The following SCUBE3 variants were observed in gnomAD, a reference collection of about 807,000 sequenced individuals.
SCUBE3 encodes signal peptide, CUB and EGF-like domain-containing protein 3.
A neutral mutation model predicts 116.8 loss-of-function variants in SCUBE3; 33 were observed. The ratio of observed to expected loss-of-function variants is 0.28; its 90% CI spans 0.21 to 0.38. SCUBE3 has a LOEUF of 0.38. SCUBE3 is among the 10% of genes least tolerant of loss of function. SCUBE3 has a pLI of 1.00. For synonymous variants in SCUBE3, 418 were observed against 496.9 expected (o/e 0.84, Z 2.11); for missense variants, 1,007 against 1,324.8 (o/e 0.76, Z 3.72).
chr6:35,244,879 G>C lies in SCUBE3; in HGVS notation c.2401+68G>C, dbSNP rs1784262910. The C allele has an allele frequency of 1.0e-5, 16 of 1,525,682 alleles. No individual in the cohort carries two copies. The South Asian group carries it at 1.8e-4, about 18-fold the overall frequency. The allele number at this position is 1,525,682 out of a possible 1,614,324, so 94.5% of individuals were successfully genotyped here. A position where few individuals can be genotyped will look rare whatever the true frequency, so the allele number is the denominator to read the frequency against. Reference sequence around the variant, plus strand: ...TGGGAGCAGTGGACATCTAAAGGAGGGGTGTGAAACCAACAGGGAGCAGGG... The same window carrying C: ...TGGGAGCAGTGGACATCTAAAGGAGCGGTGTGAAACCAACAGGGAGCAGGG... On this transcript the variant is annotated intron_variant, in intron 18 of 21. Transcript: ENST00000274938. This position sits in a 1 kb window ranked among gnomAD's most constrained non-coding sequence, Gnocchi z 4.3.
chr6:35,246,181 C>T (rs187327277), intron 20 of SCUBE3, 25 bp from the exon 21 acceptor site: 5 of 1,612,198 alleles, frequency 3.1e-6, no homozygotes, highest in Non-Finnish European at 4.2e-6. Context: ...CGCCCCTGAG[C>T]CCCTCACCTT....
At chr6:35,221,023 G>C (rs1022969898) in intron 1 of SCUBE3, 1 of 152,220 alleles carries the variant, frequency 6.6e-6, no homozygotes, top group South Asian at 2.1e-4. Flanking sequence ...ATATGCAGAT[G>C]TGGGTACATG....
At position 35,245,382 on chromosome 6, in the gene SCUBE3, A is replaced by G. The variant is rs762729480; in HGVS notation, c.2556A>G (p.Pro852=). ...ILIVVPEIFL[P]SEDECGDVLV... ...TCGTGGTACCAGAGATCTTCCTGCCATCTGAGGATGAGTGTGGGGACGTCC... is the reference window on the plus strand; with the variant it reads ...TCGTGGTACCAGAGATCTTCCTGCCGTCTGAGGATGAGTGTGGGGACGTCC... The change falls in exon 19 of 22, where the codon CCA becomes CCG. Residue 852 remains proline, a synonymous_variant. Transcript: ENST00000274938. This position sits in a 1 kb window ranked among gnomAD's most constrained non-coding sequence, Gnocchi z 4.2. 6.2e-7 allele frequency: 1 copy of G among 1,614,222 alleles called. No homozygotes were observed. Among genetic ancestry groups the G allele is most frequent in the Non-Finnish European group, 8.5e-7 (1 of 1,180,042 alleles).
chr6:35,231,849 G>A lies in SCUBE3; in HGVS notation c.459G>A (p.Gln153=), dbSNP rs758953543. Residue 153 remains glutamine, a synonymous_variant, in exon 4 of 22, where the codon CAG becomes CAA. Transcript: ENST00000274938. The surrounding 1 kb of genome is among the most constrained non-coding windows in gnomAD (Gnocchi z 4.2). ...FLSDNQHTCI[Q]RPEEGMNCMN... ...GCGACAACCAGCATACCTGTATCCAGCGGCCAGAAGGTCAGCCCATGACCT... is the reference window on the plus strand; with the variant it reads ...GCGACAACCAGCATACCTGTATCCAACGGCCAGAAGGTCAGCCCATGACCT... 1 of 1,611,058 alleles carries A rather than the reference G, an allele frequency of 6.2e-7. No individual in the cohort carries two copies. Among genetic ancestry groups the A allele is most frequent in the East Asian group, 2.2e-5 (1 of 44,778 alleles).
chr6:35,237,584 C>A lies in SCUBE3; in HGVS notation c.713-318C>A, dbSNP rs543711549. Reference sequence around the variant, plus strand: ...TAGCTCCCATCCCTCCCTACTGCCCCCCGCCCCACCTCCTCCACCCCCTCG... The same window carrying A: ...TAGCTCCCATCCCTCCCTACTGCCCACCGCCCCACCTCCTCCACCCCCTCG... On this transcript the variant is annotated intron_variant, in intron 6 of 21. Transcript: ENST00000274938. Among the ~76,000 whole-genome samples the A allele has an allele frequency of 5.3e-5, 8 of 152,282 alleles. No homozygotes were observed. In the South Asian group the frequency reaches 6.2e-4, roughly 12 times the overall value.
In SCUBE3 at chr6:35,245,749, CAAG is replaced by C. The variant is rs1187044034; in HGVS notation, c.2600-194_2600-192del. On this transcript the variant is annotated intron_variant, in intron 19 of 21. Coordinates refer to ENST00000274938, the MANE Select transcript of SCUBE3 (RefSeq NM_152753.4). The surrounding 1 kb of genome is among the most constrained non-coding windows in gnomAD (Gnocchi z 4.2). The stretch of plus-strand genomic sequence containing the variant: ...TTACACTATGTGAGTGCCCAGGTAT[CAAG>C]GAGGAATTGTGGAATGAGCCCAGTG... Among the ~76,000 whole-genome samples the C allele has an allele frequency of 2.0e-5, 3 of 152,066 alleles. No homozygotes were observed. The highest frequency in any genetic ancestry group is 4.8e-5 in the African/African-American group (2 of 41,372).
rs1291363900 is a variant in SCUBE3 at position 35,241,122 on chromosome 6, T to A, written c.1070-19T>A. ...CCAACTCCATCGTTGTTTTTCTGTC[T>A]CCCTACTCCTTCCCCCAGATGTGGA... On this transcript the variant is annotated intron_variant, in intron 9 of 21. Coordinates refer to ENST00000274938, the MANE Select transcript of SCUBE3 (RefSeq NM_152753.4). This position sits in a 1 kb window ranked among gnomAD's most constrained non-coding sequence, Gnocchi z 4.1. 1 of 1,570,162 alleles carries A rather than the reference T, an allele frequency of 6.4e-7. No homozygotes were observed. Among genetic ancestry groups the A allele is most frequent in the Non-Finnish European group, 8.7e-7 (1 of 1,150,252 alleles).
Position 35,245,151 on chromosome 6 carries a change from C to A in SCUBE3, c.2402-77C>A. ...TAAATGTCTGACCTCTACTTCAGAA[C>A]TCTTCAATTCCCCCAGCACACTTCC... is the stretch of plus-strand genomic sequence containing the variant. On this transcript the variant is annotated intron_variant, in intron 18 of 21. Transcript: ENST00000274938. This position sits in a 1 kb window ranked among gnomAD's most constrained non-coding sequence, Gnocchi z 4.2. 1 of 1,334,338 alleles carries A rather than the reference C, an allele frequency of 7.5e-7. No individual in the cohort carries two copies. The highest frequency in any genetic ancestry group is 1.1e-6 in the Non-Finnish European group (1 of 931,076). 82.7% of individuals were successfully genotyped at this position (1,334,338 alleles called of 1,614,324 possible).
chr6:35,240,955 T>C lies in SCUBE3; in HGVS notation c.1070-186T>C, dbSNP rs1181570062. The stretch of plus-strand genomic sequence containing the variant: ...CAAGAGATCTACCCTCTTAAGTTTT[T>C]AAGTGTACACTACAGTATTTATGTG... On this transcript the variant is annotated intron_variant, in intron 9 of 21. Coordinates refer to ENST00000274938, the MANE Select transcript of SCUBE3 (RefSeq NM_152753.4). The surrounding 1 kb of genome is among the most constrained non-coding windows in gnomAD (Gnocchi z 4.6). Among the ~76,000 whole-genome samples, 1 of 152,262 alleles carries C rather than the reference T, an allele frequency of 6.6e-6. No individual in the cohort carries two copies. The highest frequency in any genetic ancestry group is 2.4e-5 in the African/African-American group (1 of 41,474).
At chr6:35,246,398 T>G in intron 21 of SCUBE3, 113 bp downstream of exon 21, 1 of 782,820 alleles carries the variant, frequency 1.3e-6, no homozygotes, top group Non-Finnish European at 2.1e-6. Context: ...ACAATAGCTC[T>G]ATGAGGTAGG....
In SCUBE3 at chr6:35,231,926, AG is replaced by A; in HGVS notation, c.469+68del. 1 of 1,416,452 alleles carries A rather than the reference AG, an allele frequency of 7.1e-7. No homozygotes were observed. The highest frequency in any genetic ancestry group is 9.7e-7 in the Non-Finnish European group (1 of 1,028,416). 87.7% of individuals were successfully genotyped at this position (1,416,452 alleles called of 1,614,324 possible). On this transcript the variant is annotated intron_variant, in intron 4 of 21. Coordinates refer to ENST00000274938, the MANE Select transcript of SCUBE3 (RefSeq NM_152753.4). The surrounding 1 kb of genome is among the most constrained non-coding windows in gnomAD (Gnocchi z 4.2). Reference sequence around the variant, plus strand: ...AGGCTTCTCTTCCCAGCTGTCCCTCAGCAGCCCCTAAGTCTCACCCTCCATT... The same window carrying A: ...AGGCTTCTCTTCCCAGCTGTCCCTCACAGCCCCTAAGTCTCACCCTCCATT...
Position 35,231,858 on chromosome 6 carries a change from AG to A in SCUBE3, c.469+1del. 1 of 1,609,302 alleles carries A rather than the reference AG, an allele frequency of 6.2e-7. No homozygotes were observed. Among genetic ancestry groups the A allele is most frequent in the Non-Finnish European group, 8.5e-7 (1 of 1,176,414 alleles). On this transcript the variant is annotated frameshift_variant and splice_region_variant, in exon 4 of 22. Coordinates refer to ENST00000274938, the MANE Select transcript of SCUBE3 (RefSeq NM_152753.4). LOFTEE classifies it high-confidence loss of function. The surrounding 1 kb of genome is among the most constrained non-coding windows in gnomAD (Gnocchi z 4.2). ...AGCATACCTGTATCCAGCGGCCAGA[AG>A]GTCAGCCCATGACCTGGGATGGCCC... ...NQHTCIQRPE[E>X]GMNCMNKNHG... is the part of the protein sequence containing the mutation.
rs117095391 is a variant in SCUBE3, at chr6:35,225,577, T to G, written c.86-2003T>G. Among the ~76,000 whole-genome samples the G allele has an allele frequency of 1.3e-3, 204 of 152,230 alleles. 6 individuals are homozygous for G. The East Asian group carries it at 0.037, about 28-fold the overall frequency. On this transcript the variant is annotated intron_variant, in intron 1 of 21. Coordinates refer to ENST00000274938, the MANE Select transcript of SCUBE3 (RefSeq NM_152753.4). ...AAGTGTAGACAGAGGCTCCCAGCAC[T>G]TAGAATCAACTGGTATGATGGTTGG...
In SCUBE3 at chr6:35,245,893, G is replaced by C; in HGVS notation, c.2600-51G>C. 2 of 1,600,892 alleles carry C rather than the reference G, an allele frequency of 1.2e-6. No homozygotes were observed. Among genetic ancestry groups the C allele is most frequent in the Non-Finnish European group, 1.7e-6 (2 of 1,171,810 alleles). On this transcript the variant is annotated intron_variant, in intron 19 of 21. Transcript: ENST00000274938. The surrounding 1 kb of genome is among the most constrained non-coding windows in gnomAD (Gnocchi z 4.2). ...GCTGTACAGCCCACGTTCTAGGAGG[G>C]CTTGGGTAGCCTGCCCTGCTGCTCT...
chr6:35,243,468 G>A lies in SCUBE3; in HGVS notation c.1910-126G>A, dbSNP rs1305260449. On this transcript the variant is annotated intron_variant, in intron 15 of 21. Coordinates refer to ENST00000274938, the MANE Select transcript of SCUBE3 (RefSeq NM_152753.4). This position sits in a 1 kb window ranked among gnomAD's most constrained non-coding sequence, Gnocchi z 6.6. Reference sequence around the variant, plus strand: ...CCCTCCTATCCCCCCAAGTAGGATTGTGTTTGTTCCCTGACAGAGATTCTC... The same window carrying A: ...CCCTCCTATCCCCCCAAGTAGGATTATGTTTGTTCCCTGACAGAGATTCTC... 8.0e-6 allele frequency: 8 copies of A among 994,938 alleles called. No homozygotes were observed. In the Admixed American group the frequency reaches 1.6e-4, roughly 20 times the overall value. The allele number at this position is 994,938 out of a possible 1,614,324, so 61.6% of individuals were successfully genotyped here. A position where few individuals can be genotyped will look rare whatever the true frequency, so the allele number is the denominator to read the frequency against.
In SCUBE3 at chr6:35,214,790, T is replaced by A. The variant is rs571426726; in HGVS notation, c.85+287T>A. Among the ~76,000 whole-genome samples, 42 of 152,348 alleles carry A rather than the reference T, an allele frequency of 2.8e-4. No homozygotes were observed. The highest frequency in any genetic ancestry group is 1.5e-3 in the Admixed American group (23 of 15,310). ...CGCTCGACTTCATCCACTCCCAGCA[T>A]CTTCGAAAGACTTCTTGTCTTCCAA... is the stretch of plus-strand genomic sequence containing the variant. On this transcript the variant is annotated intron_variant, in intron 1 of 21. Coordinates refer to ENST00000274938, the MANE Select transcript of SCUBE3 (RefSeq NM_152753.4). This position sits in a 1 kb window ranked among gnomAD's most constrained non-coding sequence, Gnocchi z 6.3.
chr6:35,229,142 C>T (rs868300337), intron 3 of SCUBE3, among the ~76,000 whole-genome samples: 1 of 152,158 alleles, frequency 6.6e-6, no homozygotes, highest in Admixed American at 6.5e-5. Context: ...GGTGTGGTAG[C>T]TCACACCTGT....
In SCUBE3 at chr6:35,228,109, G is replaced by C. The variant is rs1783400428; in HGVS notation, c.208+407G>C. ...ATCTTCCCCTCATAATTAAATCAAT[G>C]CAAATTAAAGTAGCCTTGAGATATT... On this transcript the variant is annotated intron_variant, in intron 2 of 21. Transcript: ENST00000274938. This position sits in a 1 kb window ranked among gnomAD's most constrained non-coding sequence, Gnocchi z 4.9. Among the ~76,000 whole-genome samples the C allele has an allele frequency of 6.6e-6, 1 of 152,198 alleles. No individual in the cohort carries two copies. The highest frequency in any genetic ancestry group is 6.5e-5 in the Admixed American group (1 of 15,286).
In SCUBE3 at chr6:35,215,407, C is replaced by G. The variant is rs554975500; in HGVS notation, c.85+904C>G. Among the ~76,000 whole-genome samples the G allele has an allele frequency of 1.4e-3, 214 of 152,260 alleles. 1 individual carries two copies. The highest frequency in any genetic ancestry group is 4.8e-3 in the African/African-American group (200 of 41,542). ...TTCTCTCGGGACAGTTTCTCCTCCCCCTTGACCTCTTGCTGTACCCCTCCC... is the reference window on the plus strand; with the variant it reads ...TTCTCTCGGGACAGTTTCTCCTCCCGCTTGACCTCTTGCTGTACCCCTCCC... On this transcript the variant is annotated intron_variant, in intron 1 of 21. Transcript: ENST00000274938.
Sources: allele counts gnomAD v4.1 joint callset (sites outside exome capture counted in the v4.1 genomes callset), GRCh38; gene constraint gnomAD v4.1.1; non-coding constraint Gnocchi (gnomAD v3.1); transcripts MANE v1.5; gene names NCBI Gene and HGNC (gene_info 2026-07-23, HGNC 2026-07-21).